The following DENND1A variants were observed in gnomAD, a reference collection of about 807,000 sequenced individuals.
DENND1A encodes DENN domain containing 1A, also known as DENN domain-containing protein 1A.
DENND1A carries 51 observed loss-of-function variants against 113.7 expected under a neutral mutation model. The ratio of observed to expected loss-of-function variants is 0.45; its 90% confidence interval spans 0.36 to 0.57. DENND1A has a LOEUF of 0.57. DENND1A is among the 20% of genes least tolerant of loss of function. The pLI is 0.00. For synonymous variants in DENND1A, 565 were observed against 570.8 expected, an observed-to-expected ratio of 0.99 and a Z score of 0.14; for missense variants, 1,258 against 1,395.9, an observed-to-expected ratio of 0.90 and a Z score of 1.57.
chr9:123,477,739 TA>T (rs895549516), intron 13 of DENND1A, among the ~76,000 whole-genome samples: 10 of 148,866 alleles, frequency 6.7e-5, no homozygotes, highest in Admixed American at 2.0e-4. Flanking sequence ...CCGTGGAACT[TA>T]AAAAAAAATA....
intron 1 of DENND1A, among the ~76,000 whole-genome samples, chr9:123,903,328 T>C (rs899184517): frequency 3.3e-5 from 2 of 61,336 alleles, no homozygotes; most frequent in Non-Finnish European, 4.9e-5. Context: ...CGAGACTCCG[T>C]CTCAAAAAAA....
chr9:123,519,443 A>ATT (rs11447219), intron 13 of DENND1A, among the ~76,000 whole-genome samples: 69 of 148,282 alleles, frequency 4.7e-4, no homozygotes, highest in Middle Eastern at 3.5e-3. Flanking sequence ...ATCTTTTTAA[A>ATT]TTTTTTTTTT....
At chr9:123,730,808 T>C (rs910667901) in intron 5 of DENND1A, among the ~76,000 whole-genome samples, 2 of 152,144 alleles carry the variant, frequency 1.3e-5, no homozygotes, top group African/African-American at 4.8e-5. Flanking sequence ...CATGCACACA[T>C]ATATTTATTG....
intron 13 of DENND1A, among the ~76,000 whole-genome samples, chr9:123,503,332 G>A (rs925582712): frequency 6.6e-5 from 10 of 152,208 alleles, no homozygotes; most frequent in Non-Finnish European, 1.5e-4. Flanking sequence ...ATAGCTGGGA[G>A]TGTATTTAAG....
At chr9:123,924,863 C>T (rs1856834137) in intron 1 of DENND1A, among the ~76,000 whole-genome samples, 1 of 152,134 alleles carries the variant, frequency 6.6e-6, no homozygotes, top group African/African-American at 2.4e-5. Context: ...CTGAAATATG[C>T]CTAGGGTTTT....
At chr9:123,561,805 C>T (rs1256446649) in intron 12 of DENND1A, among the ~76,000 whole-genome samples, 8 of 152,210 alleles carry the variant, frequency 5.3e-5, no homozygotes, top group South Asian at 4.2e-4. Flanking sequence ...TCTTGGTTAC[C>T]GCAGCATCAT....
intron 15 of DENND1A, among the ~76,000 whole-genome samples, chr9:123,456,244 C>G (rs73575544): frequency 0.017 from 2,526 of 152,014 alleles, 39 homozygotes; most frequent in African/African-American, 0.037. Flanking sequence ...AGACACACAC[C>G]CAGCAATAAA....
At chr9:123,401,863 T>TA (rs1433857186) in intron 21 of DENND1A, 1 of 1,614,048 alleles carries the variant, frequency 6.2e-7, no homozygotes. Flanking sequence ...GCAAAATGGG[T>TA]AATGCTTTTC....
intron 13 of DENND1A, among the ~76,000 whole-genome samples, chr9:123,459,789 G>C (rs766666423): frequency 6.6e-6 from 1 of 151,378 alleles, no homozygotes; most frequent in Non-Finnish European, 1.5e-5. Context: ...TAAATTTACT[G>C]TCGAGCTTCC....
intron 11 of DENND1A, among the ~76,000 whole-genome samples, chr9:123,595,686 T>A (rs112006537): frequency 7.9e-5 from 12 of 152,248 alleles, no homozygotes; most frequent in African/African-American, 2.4e-4. Flanking sequence ...AGCACCAGTT[T>A]CCCTTGCTGT....
intron 5 of DENND1A, among the ~76,000 whole-genome samples, chr9:123,736,880 C>T (rs2068604208): frequency 6.6e-6 from 1 of 152,194 alleles, no homozygotes; most frequent in Non-Finnish European, 1.5e-5. Flanking sequence ...ACATACAGGA[C>T]TTGAATCCAG....
intron 18 of DENND1A, among the ~76,000 whole-genome samples, chr9:123,447,494 C>A (rs1489473425): frequency 2.0e-5 from 3 of 152,168 alleles, no homozygotes; most frequent in African/African-American, 7.2e-5. Context: ...ACCCTCCATA[C>A]ATCATGGTGA....
intron 2 of DENND1A, among the ~76,000 whole-genome samples, chr9:123,809,764 G>A (rs1221877675): frequency 6.6e-6 from 1 of 152,124 alleles, no homozygotes; most frequent in Non-Finnish European, 1.5e-5. Flanking sequence ...TCCACCCCCT[G>A]AGTTCCAGCA....
At chr9:123,579,805 A>G (rs2058802048) in intron 12 of DENND1A, among the ~76,000 whole-genome samples, 1 of 152,224 alleles carries the variant, frequency 6.6e-6, no homozygotes. Context: ...CTCATGTAGC[A>G]TCACAGAATC....
At position 123,536,466 on chromosome 9, in the gene DENND1A, CA is replaced by C. The variant is rs549789129; in HGVS notation, c.993+21103del. Reference sequence around the variant, plus strand: ...GGCAACAAGAACAAAACTCTGTCTCCAAAAAAAAAAAAAAAAGAAAAAGAAA... The same window carrying C: ...GGCAACAAGAACAAAACTCTGTCTCCAAAAAAAAAAAAAAAGAAAAAGAAA... On this transcript the variant is annotated intron_variant, in intron 13 of 23. Transcript: ENST00000394215. 5.2e-3 allele frequency among the ~76,000 whole-genome samples: 475 copies of C among 91,738 alleles called. 2 individuals are homozygous for C. The highest frequency in any genetic ancestry group is 0.01 in the African/African-American group (277 of 26,542). 60.2% of individuals were successfully genotyped at this position (91,738 alleles called of 152,430 possible).
intron 3 of DENND1A, among the ~76,000 whole-genome samples, chr9:123,770,669 A>T (rs2131639616): frequency 6.6e-6 from 1 of 152,334 alleles, no homozygotes; most frequent in South Asian, 2.1e-4. Context: ...TTAAAATCCC[A>T]ACTTCAAGAC....
chr9:123,383,109 C>T (rs1409712902), intron 23 of DENND1A, among the ~76,000 whole-genome samples: 1 of 152,218 alleles, frequency 6.6e-6, no homozygotes, highest in Non-Finnish European at 1.5e-5. Flanking sequence ...TCGTTCCCAG[C>T]AGGGAACACT....
rs1476954375 is a variant in DENND1A, at chr9:123,401,989, T to C, written c.1631+1413A>G. On this transcript the variant is annotated intron_variant, in intron 21 of 23. Coordinates refer to ENST00000394215, the MANE Select transcript of DENND1A (RefSeq NM_001352964.2). Reference sequence around the variant, plus strand: ...TGACCCTGTATCCTGGTACAGTGTCTAAAAGGTTTAGTCCAGTTTTAAAGA... The same window carrying C: ...TGACCCTGTATCCTGGTACAGTGTCCAAAAGGTTTAGTCCAGTTTTAAAGA... The C allele has an allele frequency of 5.7e-6, 9 of 1,585,220 alleles. No individual in the cohort carries two copies. In the East Asian group the frequency reaches 2.0e-4, roughly 36 times the overall value.
At chr9:123,727,302 CA>C (rs750370503) in intron 5 of DENND1A, among the ~76,000 whole-genome samples, 34 of 152,264 alleles carry the variant, frequency 2.2e-4, no homozygotes, top group Non-Finnish European at 4.7e-4. Flanking sequence ...TCATTTATAT[CA>C]AGCTAAAAGT....
Sources: allele counts gnomAD v4.1 joint callset (sites outside exome capture counted in the v4.1 genomes callset), GRCh38; gene constraint gnomAD v4.1.1; transcripts MANE v1.5; gene names NCBI Gene and HGNC (gene_info 2026-07-23, HGNC 2026-07-21).